ULK4: variants seen among roughly 807,000 people sequenced by gnomAD.
The protein encoded by ULK4 is inactive serine/threonine-protein kinase ULK4.
Under a neutral mutation model 160.6 loss-of-function variants are expected in ULK4, and 133 were observed. The observed-to-expected ratio is 0.83, with a 90% confidence interval of 0.72 to 0.96. The LOEUF (loss-of-function observed/expected upper bound fraction) is 0.96, where lower values mean the gene tolerates loss of function less well. Ranked by LOEUF, ULK4 falls within the 40% of genes least tolerant of loss-of-function variation. The pLI, the probability that ULK4 is intolerant of heterozygous loss-of-function variation, is 0.00. For missense variants in ULK4, 1,580 were observed against 1,499.5 expected, an observed-to-expected ratio of 1.05 and a Z score of -0.89; for synonymous variants, 534 against 539.8, an observed-to-expected ratio of 0.99 and a Z score of 0.15.
intron 18 of ULK4, among the ~76,000 whole-genome samples, chr3:41,824,154 C>T (rs1398562781): frequency 1.4e-4 from 15 of 109,054 alleles, no homozygotes; most frequent in African/African-American, 6.3e-4. Flanking sequence ...GAGAATGAGA[C>T]TCTATCTTTA....
intron 34 of ULK4, among the ~76,000 whole-genome samples, chr3:41,404,576 C>G (rs993617747): frequency 1.3e-5 from 2 of 152,230 alleles, no homozygotes; most frequent in East Asian, 3.9e-4. Context: ...AATTAACCCC[C>G]GAGTTCAACA....
chr3:41,453,040 G>A (rs1239164987), intron 34 of ULK4, among the ~76,000 whole-genome samples: 5 of 152,138 alleles, frequency 3.3e-5, no homozygotes, highest in Admixed American at 1.3e-4. Flanking sequence ...AAGCTTTGGG[G>A]TACTTATGTG....
chr3:41,483,603 C>A (rs990053440), intron 32 of ULK4, among the ~76,000 whole-genome samples: 21 of 152,174 alleles, frequency 1.4e-4, no homozygotes, highest in African/African-American at 4.6e-4. Flanking sequence ...TTAGAAGACT[C>A]AATCCTCATT....
chr3:41,392,709 G>A (rs2081981791), intron 35 of ULK4, among the ~76,000 whole-genome samples: 4 of 152,136 alleles, frequency 2.6e-5, no homozygotes, highest in Admixed American at 2.6e-4. Context: ...TGCTCCTGGT[G>A]GGAGTGTGTA....
At chr3:41,506,404 A>G (rs1490391287) in intron 32 of ULK4, among the ~76,000 whole-genome samples, 2 of 151,808 alleles carry the variant, frequency 1.3e-5, no homozygotes, top group African/African-American at 2.4e-5. Context: ...GTGGAAATAT[A>G]GGAATCTACA....
At chr3:41,640,120 C>A (rs1367605011) in intron 30 of ULK4, among the ~76,000 whole-genome samples, 1 of 152,140 alleles carries the variant, frequency 6.6e-6, no homozygotes, top group Non-Finnish European at 1.5e-5. Context: ...TGGGCAATGG[C>A]GTCCTTATCC....
chr3:41,795,823 G>T lies in ULK4; in HGVS notation c.2010+4309C>A, dbSNP rs549434370. 4.1e-4 allele frequency among the ~76,000 whole-genome samples: 63 copies of T among 152,322 alleles called. 1 individual carries two copies. The South Asian group carries it at 0.013, about 32-fold the overall frequency. On this transcript the variant is annotated intron_variant, in intron 20 of 36. Transcript: ENST00000301831. ...AGACCATTTAGCAAGCTACTCCAGTGGTCCAGGTGAGAGATGGCAGTGGCC... is the reference window on the plus strand; with the variant it reads ...AGACCATTTAGCAAGCTACTCCAGTTGTCCAGGTGAGAGATGGCAGTGGCC...
rs139147642 is a variant in ULK4, at chr3:41,391,033, A to G, written c.3678+7046T>C. 6.7e-3 allele frequency among the ~76,000 whole-genome samples: 1,018 copies of G among 152,160 alleles called. 4 individuals carry two copies. Among genetic ancestry groups the G allele is most frequent in the East Asian group, 0.015 (79 of 5,170 alleles). On this transcript the variant is annotated intron_variant, in intron 35 of 36. Transcript: ENST00000301831. ...GAGCAACTTTTTTTAGCTTCCACAT[A>G]TGAGTGAGAACATGCAATGTTTATC...
intron 34 of ULK4, among the ~76,000 whole-genome samples, chr3:41,442,758 C>A (rs2083203893): frequency 6.6e-6 from 1 of 151,858 alleles, no homozygotes. Context: ...TGCACCTGGT[C>A]CTTATTGTTG....
chr3:41,504,747 G>T (rs901685277), intron 32 of ULK4, among the ~76,000 whole-genome samples: 2 of 151,976 alleles, frequency 1.3e-5, no homozygotes, highest in African/African-American at 4.8e-5. Context: ...GTTACACTTA[G>T]GTCTATATAT....
chr3:41,798,670 G>A (rs57809229), intron 20 of ULK4, among the ~76,000 whole-genome samples: 18,806 of 151,976 alleles, frequency 0.12, 1,346 homozygotes, highest in Middle Eastern at 0.27. Flanking sequence ...CCGGAAAAGA[G>A]CAACAGTTAT....
At chr3:41,446,327 A>G (rs1286500473) in intron 34 of ULK4, among the ~76,000 whole-genome samples, 1 of 152,142 alleles carries the variant, frequency 6.6e-6, no homozygotes, top group African/African-American at 2.4e-5. Flanking sequence ...GCGATTCCTC[A>G]GGGATCTAGA....
chr3:41,726,326 C>T (rs1433392046), intron 22 of ULK4, among the ~76,000 whole-genome samples: 1 of 152,212 alleles, frequency 6.6e-6, no homozygotes, highest in African/African-American at 2.4e-5. Context: ...TCTTCATGCT[C>T]TCCCCAATGC....
rs771064459 is a variant in ULK4 at position 41,800,116 on chromosome 3, A to G, written c.2010+16T>C. On this transcript the variant is annotated intron_variant, in intron 20 of 36. Coordinates refer to ENST00000301831, the MANE Select transcript of ULK4 (RefSeq NM_017886.4). Reference sequence around the variant, plus strand: ...AAGATACCCAGACATATCCCCCAAAAGATGCTTCATCTTACCGATACTGCT... The same window carrying G: ...AAGATACCCAGACATATCCCCCAAAGGATGCTTCATCTTACCGATACTGCT... The G allele has an allele frequency of 4.1e-5, 64 of 1,562,384 alleles. No individual in the cohort carries two copies. The highest frequency in any genetic ancestry group is 5.4e-5 in the Non-Finnish European group (63 of 1,157,990).
At chr3:41,562,327 T>G (rs1333849022) in intron 32 of ULK4, among the ~76,000 whole-genome samples, 7 of 152,192 alleles carry the variant, frequency 4.6e-5, no homozygotes, top group Admixed American at 2.6e-4. Context: ...CTGAGGAGAA[T>G]GTATTTTCTG....
At chr3:41,747,731 A>G (rs2038465652) in intron 22 of ULK4, among the ~76,000 whole-genome samples, 2 of 152,180 alleles carry the variant, frequency 1.3e-5, no homozygotes, top group Non-Finnish European at 2.9e-5. Context: ...AAAAGACACC[A>G]TGAGTGCACA....
chr3:41,253,462 T>C (rs2078775769), intron 35 of ULK4, among the ~76,000 whole-genome samples: 1 of 151,758 alleles, frequency 6.6e-6, no homozygotes, highest in Non-Finnish European at 1.5e-5. Flanking sequence ...TCTAAAAAGT[T>C]AAGTATTTTA....
chr3:41,848,703 A>G (rs934051127), intron 17 of ULK4, among the ~76,000 whole-genome samples: 2 of 152,174 alleles, frequency 1.3e-5, no homozygotes, highest in Non-Finnish European at 2.9e-5. Flanking sequence ...CAGGACTCCA[A>G]GAGAGTCCAG....
chr3:41,846,333 TCTGTTGAC>T (rs1179260476), intron 17 of ULK4, among the ~76,000 whole-genome samples: 2 of 152,016 alleles, frequency 1.3e-5, no homozygotes, highest in Non-Finnish European at 2.9e-5. Flanking sequence ...AAAAAATGTA[TCTGTTGAC>T]CTAGGTACAA....
Sources: allele counts gnomAD v4.1 joint callset (sites outside exome capture counted in the v4.1 genomes callset), GRCh38; gene constraint gnomAD v4.1.1; transcripts MANE v1.5; gene names NCBI Gene and HGNC (gene_info 2026-07-23, HGNC 2026-07-21).